The following YTHDF2 variants were observed in gnomAD, a reference collection of about 807,000 sequenced individuals.
The protein encoded by YTHDF2 is YTH domain-containing family protein 2.
A neutral mutation model predicts 50.4 loss-of-function variants in YTHDF2; 2 were observed. The observed-to-expected ratio is 0.04, with a 90% CI of 0.02 to 0.12. YTHDF2 has a LOEUF of 0.12. YTHDF2 is among the 10% of genes least tolerant of loss of function. The pLI, the probability that YTHDF2 is intolerant of heterozygous loss-of-function variation, is 1.00. For synonymous variants in YTHDF2, 217 were observed against 255.6 expected (o/e 0.85, Z 1.44); for missense variants, 483 against 722.6 (o/e 0.67, Z 3.80).
At chr1:28,741,033 C>T (rs1298488885) in intron 3 of YTHDF2, among the ~76,000 whole-genome samples, 2 of 151,682 alleles carry the variant, frequency 1.3e-5, no homozygotes, top group African/African-American at 2.4e-5. Flanking sequence ...GAGTCTTGCT[C>T]TGTTGCCCAG....
Position 28,737,052 on chromosome 1 carries a change from G to A in YTHDF2, c.-69G>A. Reference sequence around the variant, plus strand: ...GCCTCCGCCTGCTCCCGCAGACGGGGCTCATCTGCCGCCGCCGCCGCGCTG... The same window carrying A: ...GCCTCCGCCTGCTCCCGCAGACGGGACTCATCTGCCGCCGCCGCCGCGCTG... On this transcript the variant is annotated 5_prime_UTR_variant, in exon 1 of 5. Transcript: ENST00000373812. 6.5e-7 allele frequency: 1 copy of A among 1,546,720 alleles called. No homozygotes were observed. Among genetic ancestry groups the A allele is most frequent in the Non-Finnish European group, 8.7e-7 (1 of 1,146,126 alleles).
At chr1:28,751,604 C>T (rs540698716) in intron 4 of YTHDF2, among the ~76,000 whole-genome samples, 30 of 152,326 alleles carry the variant, frequency 2.0e-4, no homozygotes, top group African/African-American at 6.5e-4. Flanking sequence ...CTTTCTGCAG[C>T]CTCCTTAAAG....
At chr1:28,749,039 T>C (rs987378062) in intron 4 of YTHDF2, among the ~76,000 whole-genome samples, 1 of 152,142 alleles carries the variant, frequency 6.6e-6, no homozygotes, top group African/African-American at 2.4e-5. Context: ...ACTAAAGGGG[T>C]ATGTGCTTTG....
intron 4 of YTHDF2, among the ~76,000 whole-genome samples, chr1:28,751,110 A>AAAAAAAAAAG (rs1553144757): frequency 2.1e-5 from 3 of 144,494 alleles, no homozygotes; most frequent in Non-Finnish European, 3.0e-5. Context: ...AAAAAAAAAA[A>AAAAAAAAAAG]GGCTGGGCGT....
At chr1:28,753,298 AATCACTT>A (rs1280657238) in intron 4 of YTHDF2, among the ~76,000 whole-genome samples, 1 of 141,112 alleles carries the variant, frequency 7.1e-6, no homozygotes, top group African/African-American at 2.6e-5. Flanking sequence ...GCAGCAAGAG[AATCACTT>A]GAACCCAGGA....
rs137903917 is a variant in YTHDF2, at chr1:28,761,106, AGTGTGTGTGT to A, written c.1717-7808_1717-7799del. On this transcript the variant is annotated intron_variant, in intron 4 of 4. Coordinates refer to ENST00000373812, the MANE Select transcript of YTHDF2 (RefSeq NM_016258.3). ...CTGAAATGTCATTATATCGTGCATGAGTGTGTGTGTGTGTGTGTGTGTGTATTTTTTTTTT... is the reference window on the plus strand; with the variant it reads ...CTGAAATGTCATTATATCGTGCATGAGTGTGTGTGTGTGTATTTTTTTTTT... Among the ~76,000 whole-genome samples the A allele has an allele frequency of 8.2e-5, 10 of 121,726 alleles. No individual in the cohort carries two copies. The East Asian group carries it at 1.4e-3, about 17-fold the overall frequency. The allele number at this position is 121,726 out of a possible 152,430, so 79.9% of individuals were successfully genotyped here.
In YTHDF2 at chr1:28,743,119, C is replaced by T. The variant is rs202121136; in HGVS notation, c.849C>T (p.Pro283=). 120 of 1,614,150 alleles carry T rather than the reference C, an allele frequency of 7.4e-5. 1 individual carries two copies. The East Asian group carries it at 1.6e-3, about 21-fold the overall frequency. Residue 283 remains proline, a synonymous_variant, in exon 4 of 5, where the codon CCC becomes CCT. Coordinates refer to ENST00000373812, the MANE Select transcript of YTHDF2 (RefSeq NM_016258.3). The surrounding 1 kb of genome is among the most constrained non-coding windows in gnomAD (Gnocchi z 6.9). The stretch of plus-strand genomic sequence containing the variant: ...TTGGAACTTGGGATAACAAGGGTCC[C>T]GTTGCAAAAGCCCCCTCACAGGCTT... The part of the protein sequence containing the change: ...MDIGTWDNKG[P]VAKAPSQALV...
intron 4 of YTHDF2, 72 bp from the exon 5 acceptor site, chr1:28,768,857 G>A: frequency 4.3e-6 from 5 of 1,174,742 alleles, no homozygotes; most frequent in Non-Finnish European, 6.1e-6. Context: ...GAGTTATTCT[G>A]TGAAGTTTTT....
intron 4 of YTHDF2, among the ~76,000 whole-genome samples, chr1:28,754,378 A>G (rs1488553211): frequency 6.6e-6 from 1 of 152,080 alleles, no homozygotes; most frequent in Non-Finnish European, 1.5e-5. Flanking sequence ...AAATACAAAA[A>G]AATTAGCCGG....
intron 1 of YTHDF2, chr1:28,737,413 C>A: frequency 4.7e-6 from 3 of 637,796 alleles, no homozygotes; most frequent in Non-Finnish European, 5.1e-6. Context: ...TGTTTCCTTC[C>A]CCTTCCTTAA....
At chr1:28,753,396 A>AAAAAAAAAAAC (rs1557546431) in intron 4 of YTHDF2, among the ~76,000 whole-genome samples, 1 of 113,250 alleles carries the variant, frequency 8.8e-6, no homozygotes, top group East Asian at 2.4e-4. Flanking sequence ...AAAAAAAAAA[A>AAAAAAAAAAAC]AATCAGCCAG....
chr1:28,749,736 G>T (rs2087920234), intron 4 of YTHDF2, among the ~76,000 whole-genome samples: 1 of 143,760 alleles, frequency 7.0e-6, no homozygotes, highest in Non-Finnish European at 1.5e-5. Flanking sequence ...AGCCGTGGGA[G>T]ACAAAAATTA....
In YTHDF2 at chr1:28,768,923, C is replaced by G. The variant is rs1296870189; in HGVS notation, c.1717-6C>G. ...AACCATTTCAATTTTTTTCTTACCT[C>G]TGTAGGAACGTCAAGGTCGTGGGAA... On this transcript the variant is annotated splice_region_variant and splice_polypyrimidine_tract_variant and intron_variant, in intron 4 of 4. Coordinates refer to ENST00000373812, the MANE Select transcript of YTHDF2 (RefSeq NM_016258.3). The G allele has an allele frequency of 6.3e-7, 1 of 1,591,102 alleles. No individual in the cohort carries two copies. Among genetic ancestry groups the G allele is most frequent in the Non-Finnish European group, 8.6e-7 (1 of 1,167,836 alleles).
chr1:28,751,110 A>AAAAAAAAAAAAG (rs1553144757), intron 4 of YTHDF2, among the ~76,000 whole-genome samples: 14 of 144,490 alleles, frequency 9.7e-5, no homozygotes, highest in South Asian at 2.2e-4. Context: ...AAAAAAAAAA[A>AAAAAAAAAAAAG]GGCTGGGCGT....
At position 28,747,107 on chromosome 1, in the gene YTHDF2, A is replaced by G. The variant is rs535883711; in HGVS notation, c.1716+3121A>G. 6.6e-5 allele frequency among the ~76,000 whole-genome samples: 10 copies of G among 152,284 alleles called. No homozygotes were observed. The South Asian group carries it at 1.9e-3, about 28-fold the overall frequency. ...CAAAAAAAAAATTCAGCTTTTAATC[A>G]AGTATGTATTTTGATTATGTTTGCT... On this transcript the variant is annotated intron_variant, in intron 4 of 4. Transcript: ENST00000373812.
chr1:28,754,270 C>CT (rs1378670582), intron 4 of YTHDF2, among the ~76,000 whole-genome samples: 7 of 152,110 alleles, frequency 4.6e-5, no homozygotes, highest in African/African-American at 1.7e-4. Flanking sequence ...GCTCACGCCT[C>CT]TAATTCCAGC....
In YTHDF2 at chr1:28,738,255, T is replaced by C; in HGVS notation, c.53-4T>C. ...CACTCCTAATTGAATTTTTTTTTCT[T>C]TAGTACAAAATGGATCTGTACATCA... On this transcript the variant is annotated splice_region_variant and splice_polypyrimidine_tract_variant and intron_variant, in intron 2 of 4. Transcript: ENST00000373812. 6.2e-7 allele frequency: 1 copy of C among 1,612,728 alleles called. No individual in the cohort carries two copies. Among genetic ancestry groups the C allele is most frequent in the South Asian group, 1.1e-5 (1 of 91,032 alleles).
intron 1 of YTHDF2, chr1:28,737,388 C>G (rs1260327649): frequency 1.6e-6 from 1 of 629,578 alleles, no homozygotes; most frequent in Non-Finnish European, 2.6e-6. Context: ...CTCGGCGGGC[C>G]TCGTTTTCCT....
intron 4 of YTHDF2, among the ~76,000 whole-genome samples, chr1:28,748,798 T>G (rs1339391025): frequency 6.6e-6 from 1 of 152,218 alleles, no homozygotes; most frequent in Non-Finnish European, 1.5e-5. Context: ...AGTTAAGTAT[T>G]CCCTATGACA....
Sources: allele counts gnomAD v4.1 joint callset (sites outside exome capture counted in the v4.1 genomes callset), GRCh38; gene constraint gnomAD v4.1.1; non-coding constraint Gnocchi (gnomAD v3.1); transcripts MANE v1.5; gene names NCBI Gene and HGNC (gene_info 2026-07-23, HGNC 2026-07-21).